RNFT2: variants seen among roughly 807,000 people sequenced by gnomAD.
RNFT2 encodes E3 ubiquitin-protein ligase RNFT2.
RNFT2 carries 36 observed loss-of-function variants against 53.0 expected under a neutral mutation model. The ratio of observed to expected loss-of-function variants is 0.68; its 90% CI spans 0.52 to 0.90. The LOEUF is 0.90. RNFT2 is among the 40% of genes least tolerant of loss of function. RNFT2 has a pLI of 0.00. For synonymous variants in RNFT2, 260 were observed against 253.2 expected, an observed-to-expected ratio of 1.03 and a Z score of -0.26; for missense variants, 514 against 585.6, an observed-to-expected ratio of 0.88 and a Z score of 1.26.
chr12:116,841,892 AAAAT>A lies in RNFT2; in HGVS notation c.1200+5612_1200+5615del, dbSNP rs1308807631. ...ATAAATATATATATAAATATATATA[AAAAT>A]ATATATATATAAATATATATATAAA... On this transcript the variant is annotated intron_variant, in intron 10 of 10. Transcript: ENST00000257575. Among the ~76,000 whole-genome samples the A allele has an allele frequency of 1.5e-3, 32 of 20,984 alleles. 1 individual carries two copies. The highest frequency in any genetic ancestry group is 3.5e-3 in the African/African-American group (17 of 4,858). 13.8% of individuals were successfully genotyped at this position (20,984 alleles called of 152,430 possible).
Position 116,749,949 on chromosome 12 carries a change from A to C in RNFT2, c.192A>C (p.Ser64=). Residue 64 remains serine (S), a synonymous_variant, in exon 4 of 11, where the codon TCA becomes TCC. Transcript: ENST00000257575. ...CACCAGCGCTCTTCTCGGGCTTATC[A>C]GGCAGCCTCCCCACCAGCTCGTTCC... ...ASPPALFSGL[S]GSLPTSSFPS... is the part of the protein sequence containing the mutation. 6.4e-7 allele frequency: 1 copy of C among 1,569,514 alleles called. No individual in the cohort carries two copies. The highest frequency in any genetic ancestry group is 1.4e-5 in the African/African-American group (1 of 73,978).
chr12:116,769,990 G>A (rs150661326), intron 6 of RNFT2, among the ~76,000 whole-genome samples: 45 of 152,236 alleles, frequency 3.0e-4, no homozygotes, highest in South Asian at 2.7e-3. Flanking sequence ...AGCCAAAATC[G>A]TGCCACTGCA....
intron 7 of RNFT2, among the ~76,000 whole-genome samples, chr12:116,793,872 CTTTA>C (rs929402828): frequency 3.9e-5 from 6 of 152,134 alleles, no homozygotes; most frequent in East Asian, 1.9e-4. Context: ...GATTGTTTGT[CTTTA>C]TTTATTTTCT....
intron 6 of RNFT2, among the ~76,000 whole-genome samples, chr12:116,770,101 A>G (rs574447653): frequency 4.5e-4 from 68 of 152,304 alleles, no homozygotes; most frequent in African/African-American, 1.5e-3. Context: ...AGCAGTGTAT[A>G]GTCATGTCCT....
intron 3 of RNFT2, among the ~76,000 whole-genome samples, chr12:116,746,691 C>T (rs897357358): frequency 6.6e-6 from 1 of 152,108 alleles, no homozygotes; most frequent in African/African-American, 2.4e-5. Context: ...TCAAATAATC[C>T]AGGGCGCCTG....
chr12:116,805,971 A>G (rs770143150), intron 7 of RNFT2, among the ~76,000 whole-genome samples: 1 of 152,246 alleles, frequency 6.6e-6, no homozygotes, highest in Non-Finnish European at 1.5e-5. Context: ...GTTTGATTGC[A>G]TAACTAAATA....
At chr12:116,794,646 A>AGGAGGGAGGGAGGGAGGGAG (rs1555262128) in intron 7 of RNFT2, among the ~76,000 whole-genome samples, 154 of 26,570 alleles carry the variant, frequency 5.8e-3, no homozygotes, top group South Asian at 0.015. Context: ...AGGGGAGGGG[A>AGGAGGGAGGGAGGGAGGGAG]GAAGGAAGGA....
At chr12:116,829,745 A>T (rs1196491126) in intron 7 of RNFT2, among the ~76,000 whole-genome samples, 1 of 151,972 alleles carries the variant, frequency 6.6e-6, no homozygotes, top group African/African-American at 2.4e-5. Flanking sequence ...ATACCCGGCT[A>T]TTTTTTTGTA....
chr12:116,771,499 G>GTATATATATATATATA (rs1238490788), intron 6 of RNFT2, among the ~76,000 whole-genome samples: 2 of 13,762 alleles, frequency 1.5e-4, no homozygotes, highest in African/African-American at 3.5e-4. Context: ...AAAAAAATAC[G>GTATATATATATATATA]TATATGAGCA....
At chr12:116,770,585 A>G (rs1873128774) in intron 6 of RNFT2, among the ~76,000 whole-genome samples, 1 of 151,792 alleles carries the variant, frequency 6.6e-6, no homozygotes, top group African/African-American at 2.4e-5. Context: ...TTTAAACAAC[A>G]TCTTGCTCTG....
At chr12:116,836,465 C>T (rs369325063) in intron 10 of RNFT2, among the ~76,000 whole-genome samples, 183 bp downstream of exon 10, 1 of 152,168 alleles carries the variant, frequency 6.6e-6, no homozygotes, top group African/African-American at 2.4e-5. Context: ...GACTTGGGCA[C>T]GTTATTTCAC....
intron 7 of RNFT2, among the ~76,000 whole-genome samples, chr12:116,811,639 G>C (rs1161559195): frequency 6.6e-6 from 1 of 152,178 alleles, no homozygotes; most frequent in African/African-American, 2.4e-5. Context: ...GCCTCCCAAA[G>C]TGCTGGGATT....
At chr12:116,824,815 G>T (rs967770957) in intron 7 of RNFT2, among the ~76,000 whole-genome samples, 1 of 152,110 alleles carries the variant, frequency 6.6e-6, no homozygotes, top group Non-Finnish European at 1.5e-5. Context: ...CCTTTCAGAG[G>T]CCTTATCTTT....
intron 1 of RNFT2, among the ~76,000 whole-genome samples, chr12:116,739,298 G>T (rs1329412046): frequency 6.6e-6 from 1 of 152,234 alleles, no homozygotes; most frequent in African/African-American, 2.4e-5. Flanking sequence ...AAGGGATCTA[G>T]AAAAGGGGAA....
chr12:116,776,423 A>G (rs1295723584), intron 6 of RNFT2, among the ~76,000 whole-genome samples: 1 of 152,208 alleles, frequency 6.6e-6, no homozygotes, highest in African/African-American at 2.4e-5. Context: ...GGGATATCCC[A>G]GGAAGGGCAA....
chr12:116,797,211 G>A (rs368544434), intron 7 of RNFT2, among the ~76,000 whole-genome samples: 71 of 152,284 alleles, frequency 4.7e-4, no homozygotes, highest in African/African-American at 1.6e-3. Flanking sequence ...CCCAAAATAT[G>A]TGTGTTGGAG....
At chr12:116,808,943 C>A (rs116551905) in intron 7 of RNFT2, among the ~76,000 whole-genome samples, 1 of 152,094 alleles carries the variant, frequency 6.6e-6, no homozygotes, top group Non-Finnish European at 1.5e-5. Flanking sequence ...CACTGTCTGG[C>A]GAGCTGGCCT....
intron 3 of RNFT2, among the ~76,000 whole-genome samples, chr12:116,748,285 C>G (rs1872007195): frequency 6.6e-6 from 1 of 152,194 alleles, no homozygotes; most frequent in South Asian, 2.1e-4. Context: ...CAATTCTGGG[C>G]TCTCCATTCC....
chr12:116,739,144 C>T (rs1298525961), intron 1 of RNFT2, among the ~76,000 whole-genome samples: 1 of 152,154 alleles, frequency 6.6e-6, no homozygotes, highest in Non-Finnish European at 1.5e-5. Context: ...TGAAGTCAGA[C>T]ACCATCTGAC....
Sources: gnomAD v4.1 joint callset for allele counts (sites outside exome capture counted in the v4.1 genomes callset) on GRCh38, gnomAD v4.1.1 for gene constraint, MANE v1.5 for transcripts, NCBI Gene and HGNC (gene_info 2026-07-23, HGNC 2026-07-21) for gene names.